The following PI4KA variants were observed in gnomAD, a reference collection of about 807,000 sequenced individuals.
The protein encoded by PI4KA is PI4-kinase alpha.
PI4KA carries 122 observed loss-of-function variants against 271.4 expected under a neutral mutation model. The observed-to-expected ratio is 0.45, with a 90% CI of 0.39 to 0.52. The LOEUF (loss-of-function observed/expected upper bound fraction) is 0.52. PI4KA is among the 20% of genes least tolerant of loss of function. PI4KA has a pLI of 0.00. For synonymous variants in PI4KA, 1,041 were observed against 1,078.8 expected (o/e 0.96, Z 0.69); for missense variants, 1,969 against 2,769.1 (o/e 0.71, Z 6.48).
chr22:20,710,371 G>T (rs1446041664), intron 52 of PI4KA: 8 of 534,094 alleles, frequency 1.5e-5, no homozygotes, highest in Non-Finnish European at 2.0e-5. Context: ...ATATGAAACT[G>T]GGACAAAGCC....
intron 10 of PI4KA, among the ~76,000 whole-genome samples, chr22:20,807,040 T>C (rs759631698): frequency 2.6e-5 from 4 of 152,152 alleles, no homozygotes; most frequent in Admixed American, 6.5e-5. Flanking sequence ...TGGCCTCTTT[T>C]TTAATTTTTT....
rs780707557 is a variant in PI4KA, at chr22:20,744,608, C to A, written c.3456+20G>T. The A allele has an allele frequency of 3.1e-5, 49 of 1,595,614 alleles. No homozygotes were observed. The highest frequency in any genetic ancestry group is 5.4e-5 in the African/African-American group (4 of 74,632). On this transcript the variant is annotated intron_variant, in intron 30 of 54. Transcript: ENST00000255882. ...AGAGGACACGTTAAAGGCCCTAGGG[C>A]GCAAGGACAAGAGAAGCACCTCGCC...
chr22:20,816,631 C>CA (rs1330741656), intron 7 of PI4KA, among the ~76,000 whole-genome samples: 10 of 151,534 alleles, frequency 6.6e-5, no homozygotes, highest in South Asian at 4.2e-4. Context: ...GACCCCAACT[C>CA]AAAAAAAAGA....
At position 20,824,350 on chromosome 22, in the gene PI4KA, A is replaced by G. The variant is rs1923100469; in HGVS notation, c.432T>C (p.Tyr144=). 3 of 1,612,996 alleles carry G rather than the reference A, an allele frequency of 1.9e-6. No homozygotes were observed. Among genetic ancestry groups the G allele is most frequent in the Non-Finnish European group, 2.5e-6 (3 of 1,179,124 alleles). ...CCTCATCCCTAAGTGAAGGATCCCTATAGGCCACATCAGACAGCAGAGTTA... is the reference window on the plus strand; with the variant it reads ...CCTCATCCCTAAGTGAAGGATCCCTGTAGGCCACATCAGACAGCAGAGTTA... The part of the protein sequence containing the change: ...CLVTLLSDVA[Y]RDPSLRDEIL... Residue 144 remains tyrosine, a synonymous_variant, in exon 4 of 55, where the codon TAT becomes TAC. Coordinates refer to ENST00000255882, the MANE Select transcript of PI4KA (RefSeq NM_058004.4).
intron 1 of PI4KA, among the ~76,000 whole-genome samples, chr22:20,844,879 A>C (rs1926052245): frequency 6.6e-6 from 1 of 152,216 alleles, no homozygotes; most frequent in Non-Finnish European, 1.5e-5. Context: ...TTAACCCTCT[A>C]GTCTTTGAAA....
chr22:20,826,356 A>C (rs779693842), intron 3 of PI4KA, among the ~76,000 whole-genome samples: 1 of 152,168 alleles, frequency 6.6e-6, no homozygotes, highest in Non-Finnish European at 1.5e-5. Flanking sequence ...AAGATAAAAT[A>C]AAATAAAAAA....
chr22:20,761,246 G>T, intron 23 of PI4KA, 58 bp downstream of exon 23: 2 of 919,048 alleles, frequency 2.2e-6, no homozygotes, highest in Non-Finnish European at 3.6e-6. Context: ...GAAGTAGTAC[G>T]CCTTTTTACC....
At chr22:20,828,295 T>C (rs1442302067) in intron 3 of PI4KA, among the ~76,000 whole-genome samples, 1 of 152,170 alleles carries the variant, frequency 6.6e-6, no homozygotes, top group Non-Finnish European at 1.5e-5. Context: ...TCATATAATC[T>C]ATGAAAAGAG....
intron 28 of PI4KA, among the ~76,000 whole-genome samples, chr22:20,748,030 C>T (rs1485273883): frequency 6.6e-6 from 1 of 152,210 alleles, no homozygotes; most frequent in Non-Finnish European, 1.5e-5. Context: ...GCCACTGTGC[C>T]TGGCCTTGCT....
chr22:20,810,918 A>C (rs1244911426), intron 9 of PI4KA, 49 bp downstream of exon 9: 1 of 1,363,552 alleles, frequency 7.3e-7, no homozygotes, highest in Non-Finnish European at 1.1e-6. Context: ...TTCTCTACAC[A>C]CGTTTAAGTC....
intron 32 of PI4KA, 26 bp downstream of exon 32, chr22:20,742,202 C>T (rs1929536444): frequency 6.2e-7 from 1 of 1,610,972 alleles, no homozygotes; most frequent in South Asian, 1.1e-5. Flanking sequence ...CCCATCCTCA[C>T]TGCCAACCCG....
At chr22:20,742,457 C>G in intron 31 of PI4KA, 102 bp from the exon 32 acceptor site, 1 of 1,561,350 alleles carries the variant, frequency 6.4e-7, no homozygotes, top group Non-Finnish European at 8.7e-7. Flanking sequence ...CCAGTGATGG[C>G]CTTTTATTGA....
At chr22:20,851,534 C>T (rs1372713952) in intron 1 of PI4KA, among the ~76,000 whole-genome samples, 2 of 152,090 alleles carry the variant, frequency 1.3e-5, no homozygotes, top group Admixed American at 6.5e-5. Flanking sequence ...GACAGGGTTG[C>T]ACCATGTTGG....
Position 20,709,969 on chromosome 22 carries a change from C to T in PI4KA, c.6112G>A (p.Val2038Ile), listed in dbSNP as rs1925035002. ...RPYMDAVVSLVTLMLDTGLPC... is the reference protein window; with the variant it reads ...RPYMDAVVSLITLMLDTGLPC... ...AGGCCCGTGTCCAACATGAGAGTGA[C>T]CAGGGAGACGACCGCGTCCATGTAG... Residue 2038 changes from valine to isoleucine, a missense_variant, in exon 53 of 55, where the codon GTC becomes ATC. Around this residue, in one of 13 missense-constraint regions of PI4KA, gnomAD observed 110 missense variants for 349.8 expected, o/e 0.31. Transcript: ENST00000255882. The T allele has an allele frequency of 1.2e-6, 2 of 1,613,492 alleles. No individual in the cohort carries two copies. The highest frequency in any genetic ancestry group is 1.7e-6 in the Non-Finnish European group (2 of 1,179,616).
In PI4KA at chr22:20,742,869, G is replaced by A. The variant is rs185592051; in HGVS notation, c.3457-105C>T. ...TTGTGGTGGCACTGGTGGGTGCCTC[G>A]CTGCCCCAAAGTGGAGCTCATGCAT... On this transcript the variant is annotated intron_variant, in intron 30 of 54. Transcript: ENST00000255882. 141 of 965,508 alleles carry A rather than the reference G, an allele frequency of 1.5e-4. No individual in the cohort carries two copies. In the African/African-American group the frequency reaches 1.8e-3, roughly 12 times the overall value. The allele number at this position is 965,508 out of a possible 1,614,324, so 59.8% of individuals were successfully genotyped here.
At chr22:20,800,077 A>G (rs539921660) in intron 14 of PI4KA, among the ~76,000 whole-genome samples, 3 of 152,348 alleles carry the variant, frequency 2.0e-5, no homozygotes, top group African/African-American at 7.2e-5. Flanking sequence ...GACTGATTCC[A>G]AAGACAAACG....
At chr22:20,755,714 A>C (rs1331850680) in intron 23 of PI4KA, among the ~76,000 whole-genome samples, 1 of 151,954 alleles carries the variant, frequency 6.6e-6, no homozygotes, top group Non-Finnish European at 1.5e-5. Flanking sequence ...GGGCATGAGA[A>C]TCACTTGAGC....
At chr22:20,742,111 G>C (rs1929527749) in intron 32 of PI4KA, 117 bp downstream of exon 32, 2 of 1,015,706 alleles carry the variant, frequency 2.0e-6, no homozygotes, top group Non-Finnish European at 2.9e-6. Context: ...ACTGAGGCTT[G>C]AGAAGGTGAG....
At chr22:20,827,640 T>C (rs1569078588) in intron 3 of PI4KA, among the ~76,000 whole-genome samples, 2 of 152,156 alleles carry the variant, frequency 1.3e-5, no homozygotes, top group Admixed American at 6.5e-5. Flanking sequence ...TTGCTCTGGG[T>C]AGTATGGCCA....
Sources: allele counts gnomAD v4.1 joint callset (sites outside exome capture counted in the v4.1 genomes callset), GRCh38; gene constraint gnomAD v4.1.1; regional missense constraint gnomAD v4.1.1; transcripts MANE v1.5; gene names NCBI Gene and HGNC (gene_info 2026-07-23, HGNC 2026-07-21).